Variants in RGL1 observed in about 807,000 individuals in gnomAD.
RGL1 encodes ral guanine nucleotide dissociation stimulator-like 1.
RGL1 carries 24 observed loss-of-function variants against 95.2 expected under a neutral mutation model. The ratio of observed to expected loss-of-function variants is 0.25; its 90% CI spans 0.18 to 0.35. The LOEUF is 0.35. Ranked by LOEUF, RGL1 falls within the 10% of genes least tolerant of loss-of-function variation. The probability of loss-of-function intolerance (pLI) is 1.00; values close to 1 mark genes in which losing one functional copy is unlikely to be tolerated. For synonymous variants in RGL1, 329 were observed against 344.9 expected (o/e 0.95, Z 0.51); for missense variants, 715 against 936.3 (o/e 0.76, Z 3.08).
intron 2 of RGL1, among the ~76,000 whole-genome samples, chr1:183,812,099 T>C (rs1403592882): frequency 2.0e-5 from 3 of 152,246 alleles, no homozygotes; most frequent in Non-Finnish European, 4.4e-5. Flanking sequence ...ATAATCAGAA[T>C]TTTTTGACTG....
At chr1:183,916,266 T>TCTAC (rs1407425723) in intron 15 of RGL1, among the ~76,000 whole-genome samples, 181 bp from the exon 16 acceptor site, 1 of 152,202 alleles carries the variant, frequency 6.6e-6, no homozygotes, top group Non-Finnish European at 1.5e-5. Context: ...CCGATAGGCA[T>TCTAC]CTACCACTGA....
intron 1 of RGL1, chr1:183,646,494 C>T (rs1650304246): frequency 6.6e-6 from 1 of 152,002 alleles, no homozygotes; most frequent in African/African-American, 2.4e-5. Flanking sequence ...TGTATCTTTA[C>T]ATATTTCAAA....
chr1:183,895,422 G>T (rs1400925135), intron 9 of RGL1, among the ~76,000 whole-genome samples: 1 of 152,134 alleles, frequency 6.6e-6, no homozygotes, highest in Non-Finnish European at 1.5e-5. Context: ...CAGAGGGGGA[G>T]ATAAAAGGAG....
At position 183,928,131 on chromosome 1, in the gene RGL1, G is replaced by GT. The variant is rs1669721212; in HGVS notation, c.*1840dup. 1 of 151,540 alleles carries GT rather than the reference G, an allele frequency of 6.6e-6. No homozygotes were observed. The highest frequency in any genetic ancestry group is 1.5e-5 in the Non-Finnish European group (1 of 67,904). The allele number at this position is 151,540 out of a possible 1,614,324, so 9.4% of individuals were successfully genotyped here. Reference sequence around the variant, plus strand: ...AGCCCTCATGCAGGTTGAAGTATATGTAGCCTCAGCCTGATATTCTTGGTG... The same window carrying GT: ...AGCCCTCATGCAGGTTGAAGTATATGTTAGCCTCAGCCTGATATTCTTGGTG... On this transcript the variant is annotated 3_prime_UTR_variant, in exon 18 of 18. Transcript: ENST00000360851.
chr1:183,828,940 C>T (rs569178681), intron 2 of RGL1, among the ~76,000 whole-genome samples: 1 of 152,296 alleles, frequency 6.6e-6, no homozygotes, highest in African/African-American at 2.4e-5. Flanking sequence ...ACACTGTGCT[C>T]AGTAGAAGCA....
intron 1 of RGL1, among the ~76,000 whole-genome samples, chr1:183,675,334 ATCCTTCCTTCCTTCCT>A (rs747929137): frequency 2.1e-5 from 3 of 143,896 alleles, no homozygotes; most frequent in African/African-American, 7.7e-5. Flanking sequence ...CTTTCCCTCT[ATCCTTCCTTCCTTCCT>A]TCCTTCCATC....
chr1:183,828,827 G>A (rs1352899080), intron 2 of RGL1, among the ~76,000 whole-genome samples: 2 of 151,322 alleles, frequency 1.3e-5, no homozygotes, highest in East Asian at 3.9e-4. Context: ...GCAAGTGTAT[G>A]CTTCTACTCG....
At chr1:183,706,680 G>T (rs1454197463) in intron 1 of RGL1, among the ~76,000 whole-genome samples, 1 of 145,126 alleles carries the variant, frequency 6.9e-6, no homozygotes, top group Admixed American at 7.0e-5. Flanking sequence ...GGTGGAGGTG[G>T]ATTGCTAGGA....
At chr1:183,657,535 G>A (rs1350947365) in intron 1 of RGL1, among the ~76,000 whole-genome samples, 1 of 152,014 alleles carries the variant, frequency 6.6e-6, no homozygotes, top group Non-Finnish European at 1.5e-5. Context: ...GTGAGAACAT[G>A]CAGTGTTTGG....
chr1:183,887,165 TCC>T (rs1667155231), intron 7 of RGL1, among the ~76,000 whole-genome samples: 8 of 89,934 alleles, frequency 8.9e-5, no homozygotes, highest in East Asian at 3.4e-4. Flanking sequence ...TTCCCCTCCC[TCC>T]CTCCCTCTTT....
chr1:183,774,062 A>G lies in RGL1; in HGVS notation c.132+31773A>G, dbSNP rs1472661419. ...GTCACAACAAAAGTGAGTGATTGCCATATGCACAGAACTTACCGGAAGAAG... is the reference window on the plus strand; with the variant it reads ...GTCACAACAAAAGTGAGTGATTGCCGTATGCACAGAACTTACCGGAAGAAG... On this transcript the variant is annotated intron_variant, in intron 2 of 18. Coordinates refer to the RGL1 transcript ENST00000304685. Among the ~76,000 whole-genome samples the G allele has an allele frequency of 9.2e-5, 14 of 152,338 alleles. No individual in the cohort carries two copies. In the East Asian group the frequency reaches 2.1e-3, roughly 23 times the overall value.
intron 1 of RGL1, among the ~76,000 whole-genome samples, chr1:183,713,256 C>G (rs1655398997): frequency 6.6e-6 from 1 of 151,744 alleles, no homozygotes; most frequent in African/African-American, 2.4e-5. Context: ...GAACTCCTGA[C>G]CTCAGGTGAT....
chr1:183,895,937 C>T (rs915963641), intron 9 of RGL1, among the ~76,000 whole-genome samples: 4 of 152,170 alleles, frequency 2.6e-5, no homozygotes, highest in Non-Finnish European at 4.4e-5. Flanking sequence ...CTTAAGTGCT[C>T]TTTTGAGATC....
At chr1:183,846,062 T>G (rs555521728) in intron 2 of RGL1, among the ~76,000 whole-genome samples, 1 of 152,348 alleles carries the variant, frequency 6.6e-6, no homozygotes, top group Non-Finnish European at 1.5e-5. Flanking sequence ...CAAAGGATTA[T>G]AAATCATTCT....
chr1:183,906,552 AGTCTCT>A (rs1486612505), intron 13 of RGL1, among the ~76,000 whole-genome samples: 15 of 152,210 alleles, frequency 9.9e-5, no homozygotes, highest in Non-Finnish European at 2.2e-4. Flanking sequence ...AGATTACAAA[AGTCTCT>A]TCATTTTCTT....
chr1:183,706,733 C>T (rs1654939329), intron 1 of RGL1, among the ~76,000 whole-genome samples: 1 of 152,178 alleles, frequency 6.6e-6, no homozygotes, highest in Non-Finnish European at 1.5e-5. Flanking sequence ...CCACAGAGCC[C>T]CTGATGGCAG....
chr1:183,774,371 C>G (rs1057158505), intron 2 of RGL1, among the ~76,000 whole-genome samples: 2 of 152,146 alleles, frequency 1.3e-5, no homozygotes, highest in African/African-American at 2.4e-5. Flanking sequence ...TGATAAGGGA[C>G]AGATGATTTT....
intron 1 of RGL1, among the ~76,000 whole-genome samples, chr1:183,663,365 A>T (rs1386093564): frequency 6.7e-6 from 1 of 149,526 alleles, no homozygotes; most frequent in Non-Finnish European, 1.5e-5. Context: ...CAAATTTACA[A>T]GAAAAAAACA....
intron 16 of RGL1, among the ~76,000 whole-genome samples, chr1:183,920,238 T>TC (rs1306608513): frequency 1.3e-5 from 2 of 152,158 alleles, no homozygotes; most frequent in Admixed American, 6.5e-5. Context: ...GGTTTCACCA[T>TC]GTTGGCCAGG....
Sources: gnomAD v4.1 joint callset for allele counts (sites outside exome capture counted in the v4.1 genomes callset) on GRCh38, gnomAD v4.1.1 for gene constraint, MANE v1.5 for transcripts, NCBI Gene and HGNC (gene_info 2026-07-23, HGNC 2026-07-21) for gene names.